Variants in CNTLN observed in about 807,000 individuals in gnomAD.
CNTLN encodes the protein centlein, centrosomal protein.
In CNTLN, 212 loss-of-function variants were observed where a neutral mutation model predicts 180.0. The ratio of observed to expected loss-of-function variants is 1.18; its 90% confidence interval spans 1.05 to 1.32. CNTLN has a LOEUF of 1.32. Among genes scored for constraint, CNTLN ranks in the 40% most tolerant of loss-of-function variants. The pLI is 0.00. For missense variants in CNTLN, 2,095 were observed against 1,610.9 expected, an observed-to-expected ratio of 1.30 and a Z score of -5.14; for synonymous variants, 722 against 563.1, an observed-to-expected ratio of 1.28 and a Z score of -3.99.
At chr9:17,145,501 A>G (rs1167891252) in intron 2 of CNTLN, among the ~76,000 whole-genome samples, 1 of 152,228 alleles carries the variant, frequency 6.6e-6, no homozygotes, top group East Asian at 1.9e-4. Flanking sequence ...TATCCAAATT[A>G]TGATCCATTT....
intron 25 of CNTLN, chr9:17,495,110 G>T (rs533695535): frequency 3.4e-4 from 118 of 346,944 alleles, no homozygotes; most frequent in African/African-American, 2.3e-3. Flanking sequence ...CAACTCCTGA[G>T]CTCAGGTGAT....
intron 6 of CNTLN, among the ~76,000 whole-genome samples, chr9:17,297,967 A>T (rs1051616244): frequency 1.3e-5 from 2 of 152,216 alleles, no homozygotes; most frequent in Non-Finnish European, 2.9e-5. Flanking sequence ...AAAGAAAATT[A>T]ATATGTATCT....
At chr9:17,523,402 A>G in the CNTLN span, among the ~76,000 whole-genome samples, 1 of 151,788 alleles carries the variant, frequency 6.6e-6, no homozygotes, top group African/African-American at 2.4e-5. Context: ...ACACCTGTCT[A>G]ATTTTTGTAT....
intron 15 of CNTLN, 150 bp from the exon 16 acceptor site, chr9:17,409,143 C>T: frequency 3.3e-6 from 2 of 615,118 alleles, no homozygotes; most frequent in Non-Finnish European, 5.7e-6. Flanking sequence ...ATTCATTTTC[C>T]CTTTCACATT....
At chr9:17,476,055 A>C (rs1262048636) in intron 23 of CNTLN, among the ~76,000 whole-genome samples, 1 of 151,148 alleles carries the variant, frequency 6.6e-6, no homozygotes, top group Admixed American at 6.6e-5. Flanking sequence ...GTGTGTGCTC[A>C]CTTTGTGTCT....
intron 12 of CNTLN, among the ~76,000 whole-genome samples, chr9:17,365,278 C>T (rs62558966): frequency 0.23 from 34,327 of 152,048 alleles, 4,175 homozygotes; most frequent in South Asian, 0.34. Context: ...CCTCCTGTTC[C>T]AGCCATGTAA....
Position 17,502,708 on chromosome 9 carries a change from G to A in CNTLN, c.*56G>A. 1.6e-6 allele frequency: 1 copy of A among 615,504 alleles called. No individual in the cohort carries two copies. The highest frequency in any genetic ancestry group is 2.7e-6 in the Non-Finnish European group (1 of 367,240). The allele number at this position is 615,504 out of a possible 1,614,324, so 38.1% of individuals were successfully genotyped here. On this transcript the variant is annotated 3_prime_UTR_variant, in exon 26 of 26. Transcript: ENST00000380647. ...GAAAACTTTTTATGTGGTGTGATTGGAATACATGCATTGCAATCCTGACAC... is the reference window on the plus strand; with the variant it reads ...GAAAACTTTTTATGTGGTGTGATTGAAATACATGCATTGCAATCCTGACAC...
chr9:17,455,040 TCA>T (rs1446324914), intron 18 of CNTLN, among the ~76,000 whole-genome samples: 1 of 152,228 alleles, frequency 6.6e-6, no homozygotes, highest in African/African-American at 2.4e-5. Context: ...AAAAGTTGTC[TCA>T]CAGCCTAGAG....
At chr9:17,306,144 CTAT>C (rs1461732002) in intron 7 of CNTLN, among the ~76,000 whole-genome samples, 4 of 120,206 alleles carry the variant, frequency 3.3e-5, no homozygotes, top group East Asian at 5.3e-4. Context: ...TATTAGTCGT[CTAT>C]TTTTTTTTTT....
intron 21 of CNTLN, 66 bp from the exon 22 acceptor site, chr9:17,465,915 G>T: frequency 1.5e-6 from 2 of 1,296,176 alleles, no homozygotes; most frequent in East Asian, 2.5e-5. Flanking sequence ...GTTTCTGTTG[G>T]AACAAACACA....
intron 2 of CNTLN, among the ~76,000 whole-genome samples, chr9:17,174,472 G>A (rs762830670): frequency 2.0e-5 from 3 of 152,236 alleles, no homozygotes; most frequent in Non-Finnish European, 4.4e-5. Flanking sequence ...GAGGTGGGTG[G>A]ATCACCTGAA....
At chr9:17,284,030 T>G (rs1563955646) in intron 6 of CNTLN, among the ~76,000 whole-genome samples, 3 of 152,104 alleles carry the variant, frequency 2.0e-5, no homozygotes, top group Non-Finnish European at 4.4e-5. Context: ...TTTGTTTGTT[T>G]GTTTTTTTGA....
the CNTLN span, among the ~76,000 whole-genome samples, chr9:17,511,554 C>G: frequency 1.3e-5 from 2 of 152,018 alleles, no homozygotes; most frequent in Non-Finnish European, 2.9e-5. Flanking sequence ...GGACTTAGGG[C>G]TTCCTTGCTA....
chr9:17,152,870 A>G (rs115865778), intron 2 of CNTLN, among the ~76,000 whole-genome samples: 2,203 of 152,170 alleles, frequency 0.014, 57 homozygotes, highest in African/African-American at 0.051. Flanking sequence ...TATATTTAGG[A>G]TAGTTCACTC....
chr9:17,477,158 T>G (rs953858608), intron 23 of CNTLN, among the ~76,000 whole-genome samples: 3 of 152,210 alleles, frequency 2.0e-5, no homozygotes, highest in African/African-American at 7.2e-5. Context: ...ACTGAATATT[T>G]TAGGCCCAAT....
At chr9:17,518,931 G>T in the CNTLN span, among the ~76,000 whole-genome samples, 1 of 152,016 alleles carries the variant, frequency 6.6e-6, no homozygotes, top group Non-Finnish European at 1.5e-5. Context: ...ACTGAGACTT[G>T]TTTGTTTAGT....
At chr9:17,335,995 A>G (rs988589100) in intron 10 of CNTLN, among the ~76,000 whole-genome samples, 5 of 152,044 alleles carry the variant, frequency 3.3e-5, no homozygotes, top group Non-Finnish European at 7.4e-5. Flanking sequence ...CAAAGGAAGT[A>G]CTTAGTAAAT....
At chr9:17,210,813 G>A (rs1823247554) in intron 2 of CNTLN, among the ~76,000 whole-genome samples, 1 of 152,172 alleles carries the variant, frequency 6.6e-6, no homozygotes, top group Admixed American at 6.5e-5. Flanking sequence ...CAGTGATGAT[G>A]AGCATTTTTT....
At chr9:17,220,425 G>C (rs1824052538) in intron 2 of CNTLN, among the ~76,000 whole-genome samples, 1 of 152,048 alleles carries the variant, frequency 6.6e-6, no homozygotes, top group African/African-American at 2.4e-5. Context: ...AAACATTTAA[G>C]TTTAGGGGTA....
Sources: allele counts gnomAD v4.1 joint callset (sites outside exome capture counted in the v4.1 genomes callset), GRCh38; gene constraint gnomAD v4.1.1; transcripts MANE v1.5; gene names NCBI Gene and HGNC (gene_info 2026-07-23, HGNC 2026-07-21).